Variants in ACYP2 observed in about 807,000 individuals in gnomAD.
The protein encoded by ACYP2 is acylphosphatase-2.
Under a neutral mutation model 11.2 loss-of-function variants are expected in ACYP2, and 12 were observed. The ratio of observed to expected loss-of-function variants is 1.08; its 90% CI spans 0.69 to 1.74. ACYP2 has a LOEUF of 1.74. Among genes scored for constraint, ACYP2 ranks in the 40% most tolerant of loss-of-function variants. The pLI, the probability that ACYP2 is intolerant of heterozygous loss-of-function variation, is 0.00. For synonymous variants in ACYP2, 43 were observed against 32.2 expected, an observed-to-expected ratio of 1.33 and a Z score of -1.13; for missense variants, 134 against 101.9, an observed-to-expected ratio of 1.31 and a Z score of -1.35.
chr2:54,067,350 G>A (rs573910745), intron 4 of ACYP2, among the ~76,000 whole-genome samples: 7 of 152,110 alleles, frequency 4.6e-5, no homozygotes, highest in African/African-American at 9.7e-5. Flanking sequence ...AGAAGAAGGC[G>A]AAATAAGTTT....
At chr2:54,083,862 T>A (rs1253755553) in intron 4 of ACYP2, among the ~76,000 whole-genome samples, 1 of 152,168 alleles carries the variant, frequency 6.6e-6, no homozygotes, top group Non-Finnish European at 1.5e-5. Context: ...AGGTTTCAGT[T>A]TGGAGTAGTC....
At chr2:54,015,950 A>G (rs973939197) in intron 2 of ACYP2, among the ~76,000 whole-genome samples, 1 of 151,810 alleles carries the variant, frequency 6.6e-6, no homozygotes, top group Non-Finnish European at 1.5e-5. Flanking sequence ...TGGCTGGGAG[A>G]TACCACACCC....
At chr2:54,023,181 C>T (rs1674093613) in intron 2 of ACYP2, among the ~76,000 whole-genome samples, 1 of 152,054 alleles carries the variant, frequency 6.6e-6, no homozygotes, top group Non-Finnish European at 1.5e-5. Context: ...GGTGATTATG[C>T]TTTTTTGTTG....
At chr2:54,070,418 A>T (rs1364076768) in intron 4 of ACYP2, among the ~76,000 whole-genome samples, 1 of 152,226 alleles carries the variant, frequency 6.6e-6, no homozygotes, top group African/African-American at 2.4e-5. Flanking sequence ...ATTGAAGTCA[A>T]ATGCTGGTTA....
At chr2:54,040,633 C>T (rs1451260498) in intron 2 of ACYP2, among the ~76,000 whole-genome samples, 1 of 152,086 alleles carries the variant, frequency 6.6e-6, no homozygotes, top group Non-Finnish European at 1.5e-5. Flanking sequence ...TAGGTAAGTG[C>T]CCTTCTAAAA....
At chr2:54,120,481 T>C (rs770531450) in intron 4 of ACYP2, among the ~76,000 whole-genome samples, 14 of 152,234 alleles carry the variant, frequency 9.2e-5, no homozygotes, top group Non-Finnish European at 1.9e-4. Flanking sequence ...TAGAAATGCA[T>C]TGTGACTATC....
chr2:54,239,547 A>T (rs1395350029), intron 6 of ACYP2, among the ~76,000 whole-genome samples: 1 of 152,122 alleles, frequency 6.6e-6, no homozygotes, highest in African/African-American at 2.4e-5. Context: ...CCCATTTCCC[A>T]CTCTTGAAAT....
intron 6 of ACYP2, among the ~76,000 whole-genome samples, chr2:54,187,308 G>A (rs1275708727): frequency 1.3e-5 from 2 of 152,316 alleles, no homozygotes; most frequent in African/African-American, 4.8e-5. Flanking sequence ...TGTCATTGGC[G>A]TGATCCATGG....
intron 4 of ACYP2, among the ~76,000 whole-genome samples, chr2:54,094,547 T>C (rs1225418288): frequency 6.7e-6 from 1 of 149,326 alleles, no homozygotes; most frequent in East Asian, 2.0e-4. Context: ...TGTGTGTGTG[T>C]GTGTGTTTGA....
chr2:54,227,228 A>C (rs753093499), intron 6 of ACYP2, among the ~76,000 whole-genome samples: 1 of 152,242 alleles, frequency 6.6e-6, no homozygotes, highest in Non-Finnish European at 1.5e-5. Context: ...TTTTTCCAAA[A>C]GCAGTTTAAC....
chr2:54,115,984 G>T (rs1679765381), intron 4 of ACYP2, among the ~76,000 whole-genome samples: 1 of 151,958 alleles, frequency 6.6e-6, no homozygotes, highest in Admixed American at 6.6e-5. Context: ...AGCGGGAGAG[G>T]AGGGGTCAGG....
chr2:54,218,026 T>C (rs1685628202), intron 6 of ACYP2, among the ~76,000 whole-genome samples: 1 of 152,176 alleles, frequency 6.6e-6, no homozygotes, highest in African/African-American at 2.4e-5. Flanking sequence ...CTTTCTCCCT[T>C]GTCCCCTAAT....
At chr2:54,243,247 G>A (rs1336509888) in intron 6 of ACYP2, among the ~76,000 whole-genome samples, 1 of 152,100 alleles carries the variant, frequency 6.6e-6, no homozygotes, top group Non-Finnish European at 1.5e-5. Flanking sequence ...TGCAAATATT[G>A]TAGGGTAGAC....
intron 6 of ACYP2, among the ~76,000 whole-genome samples, chr2:54,185,380 T>G (rs1433879230): frequency 6.6e-6 from 1 of 152,168 alleles, no homozygotes; most frequent in African/African-American, 2.4e-5. Flanking sequence ...ATGGCAGAGC[T>G]GGAAGATAGG....
chr2:54,261,290 ATAATTT>A (rs1413961946), intron 6 of ACYP2, among the ~76,000 whole-genome samples: 1 of 152,192 alleles, frequency 6.6e-6, no homozygotes, highest in Non-Finnish European at 1.5e-5. Flanking sequence ...TATTCTGGCT[ATAATTT>A]TTTTTTCCTA....
intron 6 of ACYP2, among the ~76,000 whole-genome samples, chr2:54,241,329 T>TA (rs1431490872): frequency 6.6e-6 from 1 of 152,242 alleles, no homozygotes; most frequent in Admixed American, 6.5e-5. Flanking sequence ...TGGACTGCTC[T>TA]AAAAATTCCA....
At chr2:54,104,470 C>G (rs1679050710) in intron 4 of ACYP2, among the ~76,000 whole-genome samples, 1 of 152,160 alleles carries the variant, frequency 6.6e-6, no homozygotes, top group Non-Finnish European at 1.5e-5. Flanking sequence ...GTCCTTTTGT[C>G]ACCTTTGTAA....
At chr2:54,282,181 A>G (rs1688878659) in intron 6 of ACYP2, among the ~76,000 whole-genome samples, 1 of 152,206 alleles carries the variant, frequency 6.6e-6, no homozygotes, top group Non-Finnish European at 1.5e-5. Flanking sequence ...ATAACAGAAG[A>G]ATATACAAGT....
intron 2 of ACYP2, among the ~76,000 whole-genome samples, chr2:54,036,758 G>GTAA (rs1674923340): frequency 6.6e-6 from 1 of 152,196 alleles, no homozygotes; most frequent in African/African-American, 2.4e-5. Context: ...ATTTCTCATT[G>GTAA]TAAATGAATA....
Sources: allele counts gnomAD v4.1 joint callset (sites outside exome capture counted in the v4.1 genomes callset), GRCh38; gene constraint gnomAD v4.1.1; transcripts MANE v1.5; gene names NCBI Gene and HGNC (gene_info 2026-07-23, HGNC 2026-07-21).